Variants in TIAM1 observed in about 807,000 individuals in gnomAD.
TIAM1 encodes the protein rho guanine nucleotide exchange factor TIAM1.
A neutral mutation model predicts 163.5 loss-of-function variants in TIAM1; 65 were observed. That is an observed-to-expected ratio of 0.40 (90% confidence interval 0.33 to 0.49). TIAM1 has a LOEUF of 0.49. Among genes scored for constraint, TIAM1 ranks in the 20% least tolerant of loss-of-function variants. TIAM1 has a pLI of 0.77. For missense variants in TIAM1, 1,789 were observed against 2,044.7 expected, an observed-to-expected ratio of 0.87 and a Z score of 2.41; for synonymous variants, 833 against 810.1, an observed-to-expected ratio of 1.03 and a Z score of -0.48.
intron 2 of TIAM1, among the ~76,000 whole-genome samples, chr21:31,350,721 A>G (rs560322426): frequency 1.1e-3 from 167 of 152,324 alleles, no homozygotes; most frequent in Non-Finnish European, 2.6e-4. Flanking sequence ...AGATGCCAGC[A>G]TCATGCTTCC....
chr21:31,527,864 C>T (rs929810313), intron 1 of TIAM1, among the ~76,000 whole-genome samples: 1 of 152,092 alleles, frequency 6.6e-6, no homozygotes, highest in Non-Finnish European at 1.5e-5. Context: ...TGATCAAGCC[C>T]ATCACTACCC....
chr21:31,545,612 A>C (rs923654870), intron 1 of TIAM1, among the ~76,000 whole-genome samples: 8 of 152,138 alleles, frequency 5.3e-5, no homozygotes, highest in African/African-American at 1.7e-4. Context: ...AAGGGGAAAA[A>C]AGGGGAGGCA....
intron 13 of TIAM1, among the ~76,000 whole-genome samples, chr21:31,190,123 G>C (rs534557242): frequency 6.6e-6 from 1 of 152,194 alleles, no homozygotes; most frequent in Non-Finnish European, 1.5e-5. Context: ...ATGAAACTAA[G>C]GTCGGGCGTG....
intron 2 of TIAM1, among the ~76,000 whole-genome samples, chr21:31,329,360 A>G (rs1740070956): frequency 6.6e-6 from 1 of 152,238 alleles, no homozygotes. Flanking sequence ...GTCGGCTCCC[A>G]GAAAAATCCT....
rs73899673 is a variant in TIAM1, at chr21:31,176,109, C to T, written c.2887+6312G>A. On this transcript the variant is annotated intron_variant, in intron 15 of 27. Coordinates refer to ENST00000541036, the MANE Select transcript of TIAM1 (RefSeq NM_001353694.2). ...TGATGGGCACAACTTGGGGAGGTGG[C>T]GTACTATTGTCTCGTAGTGGCTTGC... is the stretch of plus-strand genomic sequence containing the variant. Among the ~76,000 whole-genome samples the T allele has an allele frequency of 5.0e-3, 763 of 152,168 alleles. 6 individuals carry two copies. Among genetic ancestry groups the T allele is most frequent in the African/African-American group, 0.017 (726 of 41,522 alleles).
intron 2 of TIAM1, among the ~76,000 whole-genome samples, chr21:31,353,139 A>G (rs1033381639): frequency 6.6e-6 from 1 of 152,166 alleles, no homozygotes; most frequent in Non-Finnish European, 1.5e-5. Flanking sequence ...GCTTCCACCA[A>G]CCCATCCCAA....
chr21:31,366,422 C>T (rs971675849), intron 2 of TIAM1, among the ~76,000 whole-genome samples: 7 of 152,166 alleles, frequency 4.6e-5, no homozygotes, highest in African/African-American at 1.7e-4. Flanking sequence ...CCTTTGGCTC[C>T]TCAGTTTGGG....
At chr21:31,131,531 C>T (rs767372668) in intron 23 of TIAM1, among the ~76,000 whole-genome samples, 9 of 152,068 alleles carry the variant, frequency 5.9e-5, no homozygotes, top group Non-Finnish European at 1.2e-4. Context: ...TATATTCTTT[C>T]GGGGGTGGGG....
At chr21:31,423,749 C>T (rs113441923) in intron 2 of TIAM1, among the ~76,000 whole-genome samples, 2 of 126,384 alleles carry the variant, frequency 1.6e-5, no homozygotes, top group Non-Finnish European at 1.6e-5. Flanking sequence ...CATTATGCTA[C>T]GTGAAAGAAG....
intron 6 of TIAM1, among the ~76,000 whole-genome samples, chr21:31,243,026 G>GA (rs921237883): frequency 4.0e-4 from 60 of 148,274 alleles, no homozygotes; most frequent in Admixed American, 2.8e-3. Flanking sequence ...ACCTCTACTA[G>GA]AAAAAAAAAT....
At chr21:31,528,962 C>T (rs960229759) in intron 1 of TIAM1, among the ~76,000 whole-genome samples, 1 of 126,468 alleles carries the variant, frequency 7.9e-6, no homozygotes, top group African/African-American at 3.0e-5. Flanking sequence ...GTCTCAGTCG[C>T]CCAGGCTGGA....
intron 1 of TIAM1, among the ~76,000 whole-genome samples, chr21:31,472,946 C>T (rs1434009410): frequency 2.6e-5 from 4 of 152,202 alleles, no homozygotes; most frequent in Non-Finnish European, 5.9e-5. Context: ...CAAGTCTTCG[C>T]ACTCCAGTCA....
chr21:31,237,697 C>T (rs2070967153), intron 6 of TIAM1, among the ~76,000 whole-genome samples: 1 of 152,040 alleles, frequency 6.6e-6, no homozygotes, highest in Non-Finnish European at 1.5e-5. Context: ...TTTTCTATAC[C>T]CCTTTAGATA....
At chr21:31,493,214 A>G (rs1049669878) in intron 1 of TIAM1, among the ~76,000 whole-genome samples, 1 of 152,232 alleles carries the variant, frequency 6.6e-6, no homozygotes, top group Non-Finnish European at 1.5e-5. Flanking sequence ...TCTTTCTGGA[A>G]GGTGAGAAAT....
At chr21:31,372,943 T>C (rs1317102595) in intron 2 of TIAM1, among the ~76,000 whole-genome samples, 2 of 151,394 alleles carry the variant, frequency 1.3e-5, no homozygotes, top group African/African-American at 4.9e-5. Flanking sequence ...TAATAGCAGC[T>C]ACTCGGGAGG....
At chr21:31,419,821 C>T (rs565315743) in intron 2 of TIAM1, among the ~76,000 whole-genome samples, 4 of 152,226 alleles carry the variant, frequency 2.6e-5, no homozygotes, top group African/African-American at 9.6e-5. Flanking sequence ...GAGGTCAAGG[C>T]GGGTGGATCA....
chr21:31,232,836 A>G (rs548322096), intron 6 of TIAM1, among the ~76,000 whole-genome samples: 22 of 152,300 alleles, frequency 1.4e-4, no homozygotes, highest in African/African-American at 4.6e-4. Context: ...CTTCCATTAA[A>G]CAAACAGCAG....
upstream of TIAM1, among the ~76,000 whole-genome samples, chr21:31,346,666 A>G (rs1311446058): frequency 6.6e-6 from 1 of 152,220 alleles, no homozygotes; most frequent in Admixed American, 6.5e-5. Flanking sequence ...ATTGACAATT[A>G]TGAGTCTCCG....
At chr21:31,493,916 T>C (rs1018065348) in intron 1 of TIAM1, among the ~76,000 whole-genome samples, 1 of 135,694 alleles carries the variant, frequency 7.4e-6, no homozygotes, top group South Asian at 2.2e-4. Flanking sequence ...ATTAGATCTA[T>C]TTCTTTTTTA....
Sources: gnomAD v4.1 joint callset for allele counts (sites outside exome capture counted in the v4.1 genomes callset) on GRCh38, gnomAD v4.1.1 for gene constraint, MANE v1.5 for transcripts, NCBI Gene and HGNC (gene_info 2026-07-23, HGNC 2026-07-21) for gene names.